ATXN1: variants seen among roughly 807,000 people sequenced by gnomAD.
ATXN1 encodes the protein ataxin-1.
Under a neutral mutation model 56.4 loss-of-function variants are expected in ATXN1, and 8 were observed. The ratio of observed to expected loss-of-function variants is 0.14; its 90% CI spans 0.08 to 0.26. The LOEUF is 0.26. Among genes scored for constraint, ATXN1 ranks in the 10% least tolerant of loss-of-function variants. The pLI is 1.00. For missense variants in ATXN1, 987 were observed against 1,106.5 expected (o/e 0.89, Z 1.53); for synonymous variants, 514 against 494.6 (o/e 1.04, Z -0.52).
intron 2 of ATXN1, among the ~76,000 whole-genome samples, chr6:16,726,819 T>C (rs947314487): frequency 3.3e-5 from 5 of 151,968 alleles, no homozygotes; most frequent in African/African-American, 4.8e-5. Context: ...GATCATGCCA[T>C]TGCACTCCAG....
intron 3 of ATXN1, among the ~76,000 whole-genome samples, chr6:16,597,233 C>A (rs1175109950): frequency 6.6e-6 from 1 of 152,218 alleles, no homozygotes; most frequent in African/African-American, 2.4e-5. Flanking sequence ...GTAAGGGAAC[C>A]TCGTCAGCCG....
chr6:16,449,311 T>C (rs1759705374), intron 6 of ATXN1, among the ~76,000 whole-genome samples: 1 of 152,122 alleles, frequency 6.6e-6, no homozygotes, highest in East Asian at 1.9e-4. Flanking sequence ...AATAAACATG[T>C]AGTATAAAAT....
intron 6 of ATXN1, among the ~76,000 whole-genome samples, chr6:16,429,490 T>TGACTGCAACCTCCGCC (rs1759234179): frequency 6.8e-6 from 1 of 146,418 alleles, no homozygotes; most frequent in South Asian, 2.2e-4. Context: ...CGATCTCAGC[T>TGACTGCAACCTCCGCC]GACTGCAACC....
At chr6:16,323,104 A>G (rs1208130163) in intron 7 of ATXN1, among the ~76,000 whole-genome samples, 1 of 152,230 alleles carries the variant, frequency 6.6e-6, no homozygotes, top group Non-Finnish European at 1.5e-5. Context: ...CACTATGGGA[A>G]AAAACATGAG....
chr6:16,607,086 C>T (rs1015266234), intron 3 of ATXN1, among the ~76,000 whole-genome samples: 8 of 115,256 alleles, frequency 6.9e-5, no homozygotes, highest in Admixed American at 3.7e-4. Context: ...TGGGGTTTCA[C>T]CAGTTTAAAA....
At chr6:16,478,800 T>C (rs1440697507) in intron 6 of ATXN1, among the ~76,000 whole-genome samples, 2 of 152,122 alleles carry the variant, frequency 1.3e-5, no homozygotes, top group Admixed American at 6.5e-5. Context: ...AGCAACCTAA[T>C]GGAAACTTTA....
intron 2 of ATXN1, among the ~76,000 whole-genome samples, chr6:16,684,881 T>C (rs1758884930): frequency 6.6e-6 from 1 of 152,086 alleles, no homozygotes; most frequent in Non-Finnish European, 1.5e-5. Flanking sequence ...TTAAGGATTC[T>C]TCATTAATTC....
At chr6:16,490,463 G>A (rs1447078680) in intron 5 of ATXN1, among the ~76,000 whole-genome samples, 3 of 152,060 alleles carry the variant, frequency 2.0e-5, no homozygotes, top group South Asian at 2.1e-4. Flanking sequence ...GTATTTCACC[G>A]CCTACATCTT....
intron 3 of ATXN1, among the ~76,000 whole-genome samples, chr6:16,591,459 T>C (rs887430769): frequency 3.9e-5 from 6 of 152,218 alleles, no homozygotes; most frequent in Non-Finnish European, 7.3e-5. Context: ...TTCATTACCA[T>C]GATGCTTATG....
intron 3 of ATXN1, among the ~76,000 whole-genome samples, chr6:16,591,528 A>G (rs1762723001): frequency 6.6e-6 from 1 of 152,148 alleles, no homozygotes; most frequent in African/African-American, 2.4e-5. Context: ...TTTGTTCATT[A>G]TGCTGGTCCT....
intron 2 of ATXN1, among the ~76,000 whole-genome samples, chr6:16,674,051 T>TATATA (rs559330521): frequency 6.6e-6 from 1 of 151,830 alleles, no homozygotes; most frequent in African/African-American, 2.4e-5. Context: ...CTAACGTGTT[T>TATATA]TATATATATA....
At chr6:16,671,061 T>A (rs988599676) in intron 2 of ATXN1, among the ~76,000 whole-genome samples, 11 of 151,898 alleles carry the variant, frequency 7.2e-5, no homozygotes, top group Admixed American at 2.0e-4. Context: ...AATTTGCTTT[T>A]ATAAAAGTCC....
intron 4 of ATXN1, among the ~76,000 whole-genome samples, chr6:16,583,376 A>G (rs867176573): frequency 2.0e-5 from 3 of 152,340 alleles, no homozygotes; most frequent in South Asian, 2.1e-4. Context: ...TTTCAACGTT[A>G]CGATGGAGCC....
Position 16,304,367 on chromosome 6 carries a change from A to C in ATXN1, c.*1962T>G, listed in dbSNP as rs1246283489. On this transcript the variant is annotated 3_prime_UTR_variant, in exon 8 of 8. Transcript: ENST00000436367. ...ATGATATTTCGGATCTCTGGGAATG[A>C]AAGGTTTAAAAACTATGAAATACCC... is the stretch of plus-strand genomic sequence containing the variant. The C allele has an allele frequency of 6.6e-6, 1 of 152,600 alleles. No homozygotes were observed. The highest frequency in any genetic ancestry group is 1.5e-5 in the Non-Finnish European group (1 of 68,028). The allele number at this position is 152,600 out of a possible 1,614,324, so 9.5% of individuals were successfully genotyped here.
chr6:16,653,747 T>C (rs888841506), intron 3 of ATXN1, among the ~76,000 whole-genome samples: 1 of 152,306 alleles, frequency 6.6e-6, no homozygotes, highest in Middle Eastern at 3.4e-3. Flanking sequence ...AAAGTGGGTT[T>C]CTAAAGGTTC....
intron 3 of ATXN1, among the ~76,000 whole-genome samples, chr6:16,623,180 A>G (rs772410040): frequency 6.6e-6 from 1 of 152,182 alleles, no homozygotes; most frequent in Admixed American, 6.5e-5. Context: ...GAGAGCCTCC[A>G]TGTCTCGTGG....
chr6:16,431,076 G>A (rs761396149), intron 6 of ATXN1, among the ~76,000 whole-genome samples: 37 of 151,994 alleles, frequency 2.4e-4, no homozygotes, highest in Admixed American at 4.6e-4. Flanking sequence ...AGAGCAGCCC[G>A]CCTCCATGTT....
chr6:16,560,190 G>C (rs977031087), intron 4 of ATXN1, among the ~76,000 whole-genome samples: 2 of 152,164 alleles, frequency 1.3e-5, no homozygotes, highest in African/African-American at 4.8e-5. Flanking sequence ...GTTAGGGTTA[G>C]AACGAAAACA....
At chr6:16,541,556 C>T (rs745957268) in intron 4 of ATXN1, among the ~76,000 whole-genome samples, 22 of 152,310 alleles carry the variant, frequency 1.4e-4, no homozygotes, top group Middle Eastern at 3.4e-3. Context: ...GGGCTTTGCA[C>T]GCTGCTCCCT....
Sources: allele counts gnomAD v4.1 joint callset (sites outside exome capture counted in the v4.1 genomes callset), GRCh38; gene constraint gnomAD v4.1.1; transcripts MANE v1.5; gene names NCBI Gene and HGNC (gene_info 2026-07-23, HGNC 2026-07-21).